TTC3: variants seen among roughly 807,000 people sequenced by gnomAD.
TTC3 encodes tetratricopeptide repeat domain 3.
In TTC3, 180 loss-of-function variants were observed where a neutral mutation model predicts 249.6. That is an observed-to-expected ratio of 0.72 (90% confidence interval 0.64 to 0.82). TTC3 has a LOEUF of 0.82. Ranked by LOEUF, TTC3 falls within the 40% of genes least tolerant of loss-of-function variation. The pLI is 0.00. For synonymous variants in TTC3, 717 were observed against 805.0 expected (o/e 0.89, Z 1.85); for missense variants, 2,061 against 2,398.4 (o/e 0.86, Z 2.94).
chr21:37,156,838 T>G, exon 28 of TTC3: 1 of 1,614,126 alleles, frequency 6.2e-7, no homozygotes, highest in Non-Finnish European at 8.5e-7. Context: ...TTAATATGGC[T>G]GCTAGAAGAA....
chr21:37,148,599 T>A, exon 23 of TTC3: 1 of 1,606,700 alleles, frequency 6.2e-7, no homozygotes, highest in Non-Finnish European at 8.5e-7. Context: ...TTCACATGAA[T>A]TGCTGGAAGA....
Position 37,094,162 on chromosome 21 carries a change from T to TA in TTC3, c.687+76dup, listed in dbSNP as rs2073655080. 3 of 778,728 alleles carry TA rather than the reference T, an allele frequency of 3.9e-6. No individual in the cohort carries two copies. In the Admixed American group the frequency reaches 9.2e-5, roughly 24 times the overall value. The allele number at this position is 778,728 out of a possible 1,614,324, so 48.2% of individuals were successfully genotyped here. ...CTTTTTAACACTCAGAGGAAGTTAA[T>TA]AAAACTGCTGACAATATACAATTCA... On this transcript the variant is annotated intron_variant, in intron 8 of 45. Coordinates refer to ENST00000355666, the Ensembl canonical transcript of TTC3.
At position 37,154,552 on chromosome 21, in the gene TTC3, G is replaced by C. The variant is rs1218263067; in HGVS notation, c.2740+1275G>C. Among the ~76,000 whole-genome samples, 10 of 152,322 alleles carry C rather than the reference G, an allele frequency of 6.6e-5. No individual in the cohort carries two copies. The South Asian group carries it at 2.1e-3, about 32-fold the overall frequency. ...ATGCTTTAGGAGATACTCAGGACTG[G>C]AGAAATAGGTTTGCCTGGGTTATGC... On this transcript the variant is annotated intron_variant, in intron 27 of 45. Coordinates refer to ENST00000355666, the Ensembl canonical transcript of TTC3.
chr21:37,200,824 T>A (rs891602344), intron 45 of TTC3, among the ~76,000 whole-genome samples: 3 of 152,200 alleles, frequency 2.0e-5, no homozygotes, highest in African/African-American at 4.8e-5. Flanking sequence ...TGTGCACCCC[T>A]GCTGCTGGGT....
chr21:37,080,509 G>A (rs936210229), intron 1 of TTC3, among the ~76,000 whole-genome samples: 5 of 151,998 alleles, frequency 3.3e-5, no homozygotes, highest in African/African-American at 4.8e-5. Context: ...TGTTCTGATA[G>A]TCTTTATCCT....
intron 28 of TTC3, among the ~76,000 whole-genome samples, chr21:37,157,372 G>C (rs1156705236): frequency 6.6e-6 from 1 of 152,202 alleles, no homozygotes; most frequent in African/African-American, 2.4e-5. Flanking sequence ...TTCTTCCTTA[G>C]TTTGGTTCAT....
intron 35 of TTC3, among the ~76,000 whole-genome samples, chr21:37,179,377 A>G (rs1330433011): frequency 6.6e-6 from 1 of 152,212 alleles, no homozygotes; most frequent in Admixed American, 6.5e-5. Flanking sequence ...CATCTTCCAT[A>G]TTTGTAAATG....
chr21:37,188,697 T>C, intron 39 of TTC3, 102 bp downstream of exon 39: 1 of 747,592 alleles, frequency 1.3e-6, no homozygotes, highest in Admixed American at 3.0e-5. Flanking sequence ...TTATTTTTAA[T>C]AGTTATATAA....
intron 19 of TTC3, 50 bp downstream of exon 19, chr21:37,138,764 C>T: frequency 7.8e-7 from 1 of 1,278,872 alleles, no homozygotes; most frequent in African/African-American, 1.5e-5. Context: ...ATTGACATAT[C>T]TTATAAAAAT....
At chr21:37,143,483 CAT>C (rs746737422) in intron 20 of TTC3, among the ~76,000 whole-genome samples, 1 of 151,886 alleles carries the variant, frequency 6.6e-6, no homozygotes, top group Non-Finnish European at 1.5e-5. Context: ...CCAACAGACA[CAT>C]GAAAAAATGC....
intron 18 of TTC3, among the ~76,000 whole-genome samples, chr21:37,135,735 T>C (rs1380826250): frequency 6.6e-6 from 1 of 152,216 alleles, no homozygotes; most frequent in Non-Finnish European, 1.5e-5. Context: ...GACTATAGTT[T>C]AGGGTCATTA....
chr21:37,078,257 C>A (rs9975168), intron 1 of TTC3, among the ~76,000 whole-genome samples: 5 of 151,818 alleles, frequency 3.3e-5, no homozygotes, highest in Non-Finnish European at 5.9e-5. Context: ...ATAGTTTTAC[C>A]TGAAATCTCG....
At chr21:37,164,732 A>C (rs1479135861) in intron 32 of TTC3, among the ~76,000 whole-genome samples, 5 of 152,204 alleles carry the variant, frequency 3.3e-5, no homozygotes, top group Non-Finnish European at 5.9e-5. Flanking sequence ...TGGATAAAAC[A>C]AGTAAAAAAT....
intron 11 of TTC3, among the ~76,000 whole-genome samples, chr21:37,113,654 A>C (rs1434483944): frequency 6.6e-6 from 1 of 152,200 alleles, no homozygotes; most frequent in Non-Finnish European, 1.5e-5. Flanking sequence ...CAAGCTACCA[A>C]TGACTTTCTT....
intron 16 of TTC3, among the ~76,000 whole-genome samples, chr21:37,131,411 C>A (rs1404645561): frequency 6.6e-6 from 1 of 152,186 alleles, no homozygotes; most frequent in Non-Finnish European, 1.5e-5. Flanking sequence ...TGGGGAGCTT[C>A]TGGGCTGACG....
intron 36 of TTC3, among the ~76,000 whole-genome samples, chr21:37,184,496 C>G (rs1248449968): frequency 1.3e-5 from 2 of 151,802 alleles, no homozygotes; most frequent in Non-Finnish European, 2.9e-5. Flanking sequence ...CTTTTGTCAC[C>G]CAGCCTGGAG....
At chr21:37,103,394 T>A (rs549133365) in intron 10 of TTC3, among the ~76,000 whole-genome samples, 1 of 152,294 alleles carries the variant, frequency 6.6e-6, no homozygotes, top group South Asian at 2.1e-4. Context: ...TTGTCCCATT[T>A]TCATACATCT....
intron 18 of TTC3, among the ~76,000 whole-genome samples, chr21:37,136,225 G>C (rs994961473): frequency 6.6e-6 from 1 of 152,060 alleles, no homozygotes; most frequent in Non-Finnish European, 1.5e-5. Context: ...TGGCCTCTAA[G>C]TATTCAAGTG....
At chr21:37,124,359 C>G (rs894774197) in intron 13 of TTC3, among the ~76,000 whole-genome samples, 27 of 151,962 alleles carry the variant, frequency 1.8e-4, no homozygotes, top group African/African-American at 5.8e-4. Context: ...TTAGCTGATC[C>G]ACCTGCCCTG....
Sources: allele counts gnomAD v4.1 joint callset (sites outside exome capture counted in the v4.1 genomes callset), GRCh38; gene constraint gnomAD v4.1.1; transcripts MANE v1.5; gene names NCBI Gene and HGNC (gene_info 2026-07-23, HGNC 2026-07-21).